The following FMN2 variants were observed in gnomAD, a reference collection of about 807,000 sequenced individuals.
FMN2 encodes the protein formin 2.
Under a neutral mutation model 142.3 loss-of-function variants are expected in FMN2, and 51 were observed. That is an observed-to-expected ratio of 0.36 (90% CI 0.29 to 0.45). FMN2 has a LOEUF of 0.45. FMN2 is among the 20% of genes least tolerant of loss of function. The probability of loss-of-function intolerance (pLI) is 1.00; values close to 1 mark genes in which losing one functional copy is unlikely to be tolerated. For missense variants in FMN2, 1,936 were observed against 2,122.8 expected (o/e 0.91, Z 1.73); for synonymous variants, 882 against 869.8 (o/e 1.01, Z -0.25).
At position 240,405,158 on chromosome 1, in the gene FMN2, G is replaced by A. The variant is rs1674104844; in HGVS notation, c.4910+12596G>A. Among the ~76,000 whole-genome samples the A allele has an allele frequency of 1.3e-5, 2 of 152,314 alleles. 1 individual carries two copies. Among genetic ancestry groups the A allele is most frequent in the South Asian group, 4.1e-4 (2 of 4,826 alleles). Reference sequence around the variant, plus strand: ...CTAAAGGAAGAGTAATGAAATCACTGTGTGTTTGCCGGGGATTCTAATCAC... The same window carrying A: ...CTAAAGGAAGAGTAATGAAATCACTATGTGTTTGCCGGGGATTCTAATCAC... On this transcript the variant is annotated intron_variant, in intron 15 of 17. Coordinates refer to ENST00000319653, the MANE Select transcript of FMN2 (RefSeq NM_020066.5).
chr1:240,219,238 G>A (rs12075608), intron 6 of FMN2, among the ~76,000 whole-genome samples: 1,713 of 152,240 alleles, frequency 0.011, 40 homozygotes, highest in African/African-American at 0.039. Flanking sequence ...ATAAGTGTGA[G>A]GACTGAATTT....
chr1:240,441,608 CTTTTTTT>C (rs371621331), intron 16 of FMN2, among the ~76,000 whole-genome samples: 1 of 125,160 alleles, frequency 8.0e-6, no homozygotes, highest in African/African-American at 2.9e-5. Context: ...GCATATTGGT[CTTTTTTT>C]TTTTTTTTTT....
chr1:240,244,208 G>C (rs1668006646), intron 6 of FMN2, among the ~76,000 whole-genome samples: 1 of 152,132 alleles, frequency 6.6e-6, no homozygotes, highest in Admixed American at 6.5e-5. Flanking sequence ...AAAGCAATAT[G>C]CTCTTTTAAC....
chr1:240,382,881 C>A (rs1673278321), intron 14 of FMN2, among the ~76,000 whole-genome samples: 1 of 151,770 alleles, frequency 6.6e-6, no homozygotes, highest in South Asian at 2.1e-4. Context: ...ACTATAGTAA[C>A]CCAAACTGCA....
intron 10 of FMN2, among the ~76,000 whole-genome samples, chr1:240,329,948 C>T (rs896572339): frequency 1.3e-5 from 2 of 152,132 alleles, no homozygotes; most frequent in Non-Finnish European, 2.9e-5. Flanking sequence ...TTGGCAGAAA[C>T]GACCAATGTT....
intron 15 of FMN2, among the ~76,000 whole-genome samples, chr1:240,401,844 C>T (rs9729784): frequency 0.59 from 89,118 of 151,994 alleles, 26,912 homozygotes; most frequent in Middle Eastern, 0.66. Context: ...TTCCTCTTAG[C>T]CTAGCTCTGC....
At chr1:240,289,792 C>T (rs1669715999) in intron 7 of FMN2, among the ~76,000 whole-genome samples, 1 of 152,180 alleles carries the variant, frequency 6.6e-6, no homozygotes, top group Admixed American at 6.5e-5. Context: ...TGTTGAAGTG[C>T]TTTGTTTTAA....
At chr1:240,187,103 A>C (rs1272789786) in intron 3 of FMN2, among the ~76,000 whole-genome samples, 1 of 81,098 alleles carries the variant, frequency 1.2e-5, no homozygotes, top group East Asian at 3.5e-4. Context: ...CGTCTGTACC[A>C]AAAAAAAAAA....
chr1:240,406,034 C>CCTCT (rs71170740), intron 15 of FMN2, among the ~76,000 whole-genome samples: 1 of 140,964 alleles, frequency 7.1e-6, no homozygotes. Flanking sequence ...AGGGAAGCAG[C>CCTCT]GTCAGGAGTC....
intron 14 of FMN2, among the ~76,000 whole-genome samples, chr1:240,378,236 C>G (rs1326716932): frequency 6.6e-6 from 1 of 151,928 alleles, no homozygotes; most frequent in Non-Finnish European, 1.5e-5. Context: ...CTGCAACCTC[C>G]GCCTCCCAAG....
Position 240,406,015 on chromosome 1 carries a change from G to A in FMN2, c.4910+13453G>A, listed in dbSNP as rs553243296. 3.2e-3 allele frequency among the ~76,000 whole-genome samples: 475 copies of A among 150,534 alleles called. 2 individuals carry two copies. Among genetic ancestry groups the A allele is most frequent in the Non-Finnish European group, 4.9e-3 (334 of 67,692 alleles). Reference sequence around the variant, plus strand: ...CGAAGGGAAGCAGCCTCAGGAGTGGGGGAAGCGAAGGGAAGCAGCGTCAGG... The same window carrying A: ...CGAAGGGAAGCAGCCTCAGGAGTGGAGGAAGCGAAGGGAAGCAGCGTCAGG... On this transcript the variant is annotated intron_variant, in intron 15 of 17. Coordinates refer to ENST00000319653, the MANE Select transcript of FMN2 (RefSeq NM_020066.5).
intron 1 of FMN2, among the ~76,000 whole-genome samples, chr1:240,105,750 A>G (rs986803428): frequency 6.6e-6 from 1 of 152,182 alleles, no homozygotes; most frequent in African/African-American, 2.4e-5. Flanking sequence ...TTCAGTATCT[A>G]TCAGGTATAA....
At chr1:240,099,724 C>T (rs930572320) in intron 1 of FMN2, among the ~76,000 whole-genome samples, 15 of 152,244 alleles carry the variant, frequency 9.9e-5, no homozygotes, top group African/African-American at 3.4e-4. Flanking sequence ...GATTGAATTC[C>T]GTTTCCTCTT....
At chr1:240,131,263 A>G (rs12562365) in intron 2 of FMN2, among the ~76,000 whole-genome samples, 13,858 of 152,262 alleles carry the variant, frequency 0.091, 773 homozygotes, top group African/African-American at 0.13. Context: ...ACCATGGGTC[A>G]CAATCGTGTT....
rs1664990636 is a variant in FMN2 at position 240,177,961 on chromosome 1, C to T, written c.1823C>T (p.Thr608Ile). 2.5e-6 allele frequency: 4 copies of T among 1,606,844 alleles called. No individual in the cohort carries two copies. The highest frequency in any genetic ancestry group is 1.3e-5 in the African/African-American group (1 of 74,536). Residue 608 changes from threonine (T) to isoleucine (I), a missense_variant, in exon 3 of 18, where the codon ACA (threonine) becomes ATA (isoleucine). Physicochemically the swap from Thr to Ile is moderately conservative, Grantham distance 89. This residue lies in a region of FMN2 where 478 missense variants were observed against 462.8 expected (regional missense o/e 1.03). Coordinates refer to ENST00000319653, the MANE Select transcript of FMN2 (RefSeq NM_020066.5). Reference protein sequence around the residue: ...LYTWAAVSQPTHSLDYSEGQF... With the variant: ...LYTWAAVSQPIHSLDYSEGQF... ...ACCTGGGCTGCAGTTAGTCAACCCACACACTCATTGGACTATTCAGAAGGG... is the reference window on the plus strand; with the variant it reads ...ACCTGGGCTGCAGTTAGTCAACCCATACACTCATTGGACTATTCAGAAGGG...
chr1:240,312,312 G>A (rs1670627234), intron 8 of FMN2, among the ~76,000 whole-genome samples: 1 of 152,130 alleles, frequency 6.6e-6, no homozygotes, highest in South Asian at 2.1e-4. Flanking sequence ...TCTCCTTCTA[G>A]TAAAAGTCTC....
chr1:240,471,911 C>A (rs1302400183), intron 16 of FMN2: 9 of 154,710 alleles, frequency 5.8e-5, no homozygotes, highest in Non-Finnish European at 1.0e-4. Context: ...TCCCAAAGTG[C>A]TGGGATTGCA....
At chr1:240,412,003 G>A (rs945253899) in intron 15 of FMN2, among the ~76,000 whole-genome samples, 7 of 152,096 alleles carry the variant, frequency 4.6e-5, no homozygotes, top group East Asian at 1.9e-4. Context: ...GAGAGTCCAC[G>A]TGATCACCTT....
chr1:240,149,330 TG>T (rs1663665726), intron 2 of FMN2, among the ~76,000 whole-genome samples: 2 of 152,256 alleles, frequency 1.3e-5, no homozygotes, highest in South Asian at 4.1e-4. Context: ...TATTTTTATC[TG>T]CCTTTATCAC....
Sources: allele counts gnomAD v4.1 joint callset (sites outside exome capture counted in the v4.1 genomes callset), GRCh38; gene constraint gnomAD v4.1.1; regional missense constraint gnomAD v4.1.1; transcripts MANE v1.5; gene names NCBI Gene and HGNC (gene_info 2026-07-23, HGNC 2026-07-21).